The following ADGRL2 variants were observed in gnomAD, a reference collection of about 807,000 sequenced individuals.
The protein encoded by ADGRL2 is adhesion G protein-coupled receptor L2, also known as calcium-independent alpha-latrotoxin receptor 2.
A neutral mutation model predicts 157.4 loss-of-function variants in ADGRL2; 44 were observed. The observed-to-expected ratio is 0.28, with a 90% CI of 0.22 to 0.36. The LOEUF (loss-of-function observed/expected upper bound fraction) is 0.36. Ranked by LOEUF, ADGRL2 falls within the 10% of genes least tolerant of loss-of-function variation. The probability of loss-of-function intolerance (pLI) is 1.00; values close to 1 mark genes in which losing one functional copy is unlikely to be tolerated. For synonymous variants in ADGRL2, 585 were observed against 624.7 expected (o/e 0.94, Z 0.95); for missense variants, 1,510 against 1,768.9 (o/e 0.85, Z 2.63).
At chr1:81,651,994 A>G (rs1432668553) in intron 3 of ADGRL2, among the ~76,000 whole-genome samples, 6 of 152,124 alleles carry the variant, frequency 3.9e-5, no homozygotes, top group Non-Finnish European at 4.4e-5. Flanking sequence ...GGCGTGAGGC[A>G]CCACACCACA....
chr1:81,910,543 C>G (rs1230149909), intron 3 of ADGRL2, among the ~76,000 whole-genome samples: 1 of 151,100 alleles, frequency 6.6e-6, no homozygotes, highest in Non-Finnish European at 1.5e-5. Context: ...TGTTGCCTTC[C>G]CACATATAAG....
chr1:81,599,152 G>A (rs1448914726), intron 3 of ADGRL2, among the ~76,000 whole-genome samples: 1 of 152,166 alleles, frequency 6.6e-6, no homozygotes, highest in Non-Finnish European at 1.5e-5. Context: ...AAAGATCTTA[G>A]GCATCCAATG....
chr1:81,350,195 C>T (rs764942718), intron 1 of ADGRL2, among the ~76,000 whole-genome samples: 3 of 152,118 alleles, frequency 2.0e-5, no homozygotes, highest in African/African-American at 4.8e-5. Context: ...AAATAACTAG[C>T]TTTGAGTTCA....
chr1:81,418,692 T>C (rs1032946083), intron 1 of ADGRL2, among the ~76,000 whole-genome samples: 1 of 152,144 alleles, frequency 6.6e-6, no homozygotes, highest in Admixed American at 6.5e-5. Flanking sequence ...AGGCAGTACT[T>C]GCAGTGAGCT....
chr1:81,938,974 C>T (rs1212301807), intron 4 of ADGRL2, among the ~76,000 whole-genome samples: 2 of 151,440 alleles, frequency 1.3e-5, no homozygotes, highest in African/African-American at 2.4e-5. Flanking sequence ...CTCTTTTACA[C>T]GTTACTTAGT....
chr1:81,874,542 A>C (rs2093778420), intron 2 of ADGRL2, among the ~76,000 whole-genome samples: 1 of 151,698 alleles, frequency 6.6e-6, no homozygotes, highest in African/African-American at 2.4e-5. Flanking sequence ...TTTTTCTGAA[A>C]TGTTTCTCCA....
rs568517957 is a variant in ADGRL2 at position 81,801,302 on chromosome 1, T to G, written c.-101+234T>G. On this transcript the variant is annotated intron_variant, in intron 1 of 23. Transcript: ENST00000686636. ...GTACACGCTAGTATGTTTATATGATTAGCCCAACTGGCGGGGAGGGCGGAT... is the reference window on the plus strand; with the variant it reads ...GTACACGCTAGTATGTTTATATGATGAGCCCAACTGGCGGGGAGGGCGGAT... 2.0e-5 allele frequency among the ~76,000 whole-genome samples: 3 copies of G among 152,260 alleles called. No homozygotes were observed. The East Asian group carries it at 5.8e-4, about 30-fold the overall frequency.
chr1:81,694,703 A>C (rs1048059802), intron 3 of ADGRL2, among the ~76,000 whole-genome samples: 48 of 152,176 alleles, frequency 3.2e-4, no homozygotes, highest in African/African-American at 1.1e-3. Context: ...TCTGTAACTA[A>C]CTGTTCAGTT....
intron 3 of ADGRL2, chr1:81,585,933 C>G (rs2081017065): frequency 6.6e-6 from 1 of 151,622 alleles, no homozygotes; most frequent in Non-Finnish European, 1.5e-5. Flanking sequence ...TATAGCAGAA[C>G]AAAAAATAAG....
chr1:81,849,681 A>G (rs1486755168), intron 2 of ADGRL2, among the ~76,000 whole-genome samples: 1 of 151,884 alleles, frequency 6.6e-6, no homozygotes, highest in Non-Finnish European at 1.5e-5. Flanking sequence ...AGGACGATTG[A>G]CTTTCCTGTA....
At chr1:81,491,090 A>G (rs556839807) in intron 2 of ADGRL2, among the ~76,000 whole-genome samples, 1 of 152,156 alleles carries the variant, frequency 6.6e-6, no homozygotes, top group Admixed American at 6.6e-5. Context: ...GCCTTGGGGG[A>G]TTAAATCCCA....
At chr1:81,324,172 C>T (rs544427624) in intron 1 of ADGRL2, among the ~76,000 whole-genome samples, 39 of 152,068 alleles carry the variant, frequency 2.6e-4, no homozygotes, top group African/African-American at 8.9e-4. Context: ...AGGCTTCAAG[C>T]GGAGGAGATG....
intron 1 of ADGRL2, among the ~76,000 whole-genome samples, chr1:81,814,332 A>G (rs974231152): frequency 9.0e-5 from 13 of 143,814 alleles, no homozygotes; most frequent in Non-Finnish European, 1.7e-4. Context: ...ATAAGCTATT[A>G]TGAATAGTAT....
At chr1:81,619,236 T>C (rs970996063) in intron 3 of ADGRL2, among the ~76,000 whole-genome samples, 1 of 151,696 alleles carries the variant, frequency 6.6e-6, no homozygotes, top group Non-Finnish European at 1.5e-5. Context: ...AACGTATCAC[T>C]GTTTATGGGT....
chr1:81,456,485 G>T (rs1033629806), intron 2 of ADGRL2, among the ~76,000 whole-genome samples: 1 of 152,046 alleles, frequency 6.6e-6, no homozygotes, highest in Non-Finnish European at 1.5e-5. Context: ...CTGTCCTCCT[G>T]CCTTGGCCTC....
At chr1:81,672,510 T>C in intron 3 of ADGRL2, among the ~76,000 whole-genome samples, 1 of 152,202 alleles carries the variant, frequency 6.6e-6, no homozygotes, top group Non-Finnish European at 1.5e-5. Flanking sequence ...TTTTCTTGTA[T>C]TGAGAGAAAT....
intron 2 of ADGRL2, among the ~76,000 whole-genome samples, chr1:81,468,518 C>T (rs2101851605): frequency 6.6e-6 from 1 of 152,192 alleles, no homozygotes; most frequent in East Asian, 1.9e-4. Flanking sequence ...TCTGTGACAA[C>T]AATGAATACA....
chr1:81,974,198 A>G (rs1659540501), intron 17 of ADGRL2, among the ~76,000 whole-genome samples: 1 of 152,242 alleles, frequency 6.6e-6, no homozygotes, highest in Admixed American at 6.5e-5. Flanking sequence ...GCTAAGGAAG[A>G]TAAAACTTCC....
Position 81,990,750 on chromosome 1 carries a change from C to T in ADGRL2, c.4015C>T (p.Pro1339Ser), listed in dbSNP as rs1407320434. 1.9e-6 allele frequency: 3 copies of T among 1,614,102 alleles called. No homozygotes were observed. Among genetic ancestry groups the T allele is most frequent in the South Asian group, 2.2e-5 (2 of 91,064 alleles). The change falls in exon 24 of 24, where the codon CCT becomes TCT. Residue 1339 changes from proline (P) to serine (S), a missense_variant. Coordinates refer to ENST00000686636, the MANE Select transcript of ADGRL2 (RefSeq NM_001366006.2). ...CAAAGAACTCGAGGCACCACTTATT[C>T]CTCAGCGGACTCACTCCCTTCTGTA... is the stretch of plus-strand genomic sequence containing the variant. ...HHKELEAPLI[P>S]QRTHSLLYQP...
Sources: gnomAD v4.1 joint callset for allele counts (sites outside exome capture counted in the v4.1 genomes callset) on GRCh38, gnomAD v4.1.1 for gene constraint, MANE v1.5 for transcripts, NCBI Gene and HGNC (gene_info 2026-07-23, HGNC 2026-07-21) for gene names.